MELK: variants seen among roughly 807,000 people sequenced by gnomAD.
The protein encoded by MELK is maternal embryonic leucine zipper kinase.
Under a neutral mutation model 85.0 loss-of-function variants are expected in MELK, and 81 were observed. The ratio of observed to expected loss-of-function variants is 0.95; its 90% CI spans 0.80 to 1.15. The LOEUF (loss-of-function observed/expected upper bound fraction) is 1.15, where lower values mean the gene tolerates loss of function less well. Ranked by LOEUF, MELK falls within the 50% of genes most tolerant of loss-of-function variation. The pLI is 0.00. For synonymous variants in MELK, 252 were observed against 265.0 expected, an observed-to-expected ratio of 0.95 and a Z score of 0.48; for missense variants, 754 against 777.5, an observed-to-expected ratio of 0.97 and a Z score of 0.36.
At chr9:36,652,895 A>G (rs1162779757) in intron 12 of MELK, among the ~76,000 whole-genome samples, 1 of 152,152 alleles carries the variant, frequency 6.6e-6, no homozygotes, top group Non-Finnish European at 1.5e-5. Context: ...GTACTTTTAA[A>G]GGACACATTA....
intron 9 of MELK, 64 bp downstream of exon 9, chr9:36,630,431 T>C (rs1828433740): frequency 2.3e-6 from 3 of 1,288,978 alleles, no homozygotes; most frequent in Non-Finnish European, 3.3e-6. Context: ...TTAAGATATC[T>C]GTGGTGCTAC....
intron 8 of MELK, among the ~76,000 whole-genome samples, chr9:36,614,210 C>T (rs1245017577): frequency 1.3e-5 from 2 of 151,720 alleles, no homozygotes; most frequent in Non-Finnish European, 2.9e-5. Context: ...ATTCTCCTGC[C>T]TCACCCTCCT....
intron 9 of MELK, among the ~76,000 whole-genome samples, chr9:36,631,677 T>G (rs1828640073): frequency 6.6e-6 from 1 of 152,126 alleles, no homozygotes. Context: ...CAGGCTCAAG[T>G]GTTAGTTCTA....
chr9:36,638,228 G>A (rs1829398301), intron 10 of MELK, among the ~76,000 whole-genome samples: 1 of 152,144 alleles, frequency 6.6e-6, no homozygotes, highest in South Asian at 2.1e-4. Flanking sequence ...ACAGTATAAA[G>A]TAAAATATAT....
chr9:36,636,778 T>TCTGTCTGTCTGTCTGTCTG (rs1564191010), intron 10 of MELK, among the ~76,000 whole-genome samples: 8 of 82,232 alleles, frequency 9.7e-5, no homozygotes, highest in African/African-American at 3.2e-4. Context: ...CTTTCTTTCT[T>TCTGTCTGTCTGTCTGTCTG]TCTTTCTGTC....
In MELK at chr9:36,667,472, A is replaced by T. The variant is rs572766401; in HGVS notation, c.1409-1838A>T. 1.1e-4 allele frequency among the ~76,000 whole-genome samples: 17 copies of T among 152,226 alleles called. No homozygotes were observed. In the East Asian group the frequency reaches 1.2e-3, roughly 10 times the overall value. ...TGCCCGGCCCAGGGCTTTTTTATTT[A>T]AAAAAAATTTTAATGCCATAATCCC... On this transcript the variant is annotated intron_variant, in intron 14 of 17. Coordinates refer to ENST00000298048, the MANE Select transcript of MELK (RefSeq NM_014791.4).
intron 10 of MELK, among the ~76,000 whole-genome samples, chr9:36,634,247 TA>T (rs1199530668): frequency 6.6e-6 from 1 of 152,262 alleles, no homozygotes; most frequent in African/African-American, 2.4e-5. Context: ...TTCTAAATTC[TA>T]ATTTTTGCTT....
chr9:36,649,850 C>T (rs1245539518), intron 11 of MELK, among the ~76,000 whole-genome samples: 1 of 152,076 alleles, frequency 6.6e-6, no homozygotes, highest in Non-Finnish European at 1.5e-5. Context: ...ACTGAGAGGC[C>T]AAGATGGGAG....
At chr9:36,621,275 GAAA>G (rs74181196) in intron 8 of MELK, among the ~76,000 whole-genome samples, 7 of 32,438 alleles carry the variant, frequency 2.2e-4, no homozygotes, top group Non-Finnish European at 4.5e-4. Context: ...CTGTCTCAGG[GAAA>G]AAAAAAAAAA....
At chr9:36,593,352 G>A (rs1823834977) in intron 4 of MELK, among the ~76,000 whole-genome samples, 1 of 152,078 alleles carries the variant, frequency 6.6e-6, no homozygotes, top group Non-Finnish European at 1.5e-5. Flanking sequence ...TAGGTTATGA[G>A]GGCAGAGCCC....
chr9:36,626,505 C>T (rs975853180), intron 8 of MELK, among the ~76,000 whole-genome samples: 3 of 152,136 alleles, frequency 2.0e-5, no homozygotes, highest in African/African-American at 4.8e-5. Context: ...CACACTTACA[C>T]GTAGACATAT....
chr9:36,640,832 C>A (rs1829689325), intron 10 of MELK, among the ~76,000 whole-genome samples: 1 of 152,204 alleles, frequency 6.6e-6, no homozygotes, highest in South Asian at 2.1e-4. Context: ...AAAGACCCAA[C>A]CTCCTAATAC....
chr9:36,609,511 G>C (rs1014877717), intron 8 of MELK, among the ~76,000 whole-genome samples: 1 of 149,628 alleles, frequency 6.7e-6, no homozygotes, highest in Admixed American at 6.7e-5. Context: ...GCAGGAGTGC[G>C]ATCATGGCTC....
intron 3 of MELK, among the ~76,000 whole-genome samples, chr9:36,588,589 G>A (rs1823199190): frequency 6.6e-6 from 1 of 151,960 alleles, no homozygotes; most frequent in African/African-American, 2.4e-5. Flanking sequence ...ATGTTGGTCA[G>A]GCTGGTCTCA....
At chr9:36,650,222 G>C (rs934506063) in intron 11 of MELK, among the ~76,000 whole-genome samples, 200 of 151,320 alleles carry the variant, frequency 1.3e-3, no homozygotes, top group African/African-American at 4.3e-3. Context: ...GGATTACAGG[G>C]GTGAGCCACC....
At chr9:36,668,446 G>A (rs1832586520) in intron 14 of MELK, among the ~76,000 whole-genome samples, 1 of 152,174 alleles carries the variant, frequency 6.6e-6, no homozygotes, top group Non-Finnish European at 1.5e-5. Context: ...TATCTGGAAT[G>A]CAAATACCCT....
chr9:36,579,617 G>C (rs969161468), intron 1 of MELK, among the ~76,000 whole-genome samples: 2 of 152,214 alleles, frequency 1.3e-5, no homozygotes, highest in Admixed American at 6.5e-5. Context: ...GTAAATATCT[G>C]TATGAATAAA....
chr9:36,599,251 A>T (rs562982772), intron 6 of MELK, 143 bp from the exon 7 acceptor site: 25 of 486,754 alleles, frequency 5.1e-5, no homozygotes, highest in African/African-American at 5.0e-4. Flanking sequence ...CAGTGAGCCG[A>T]GATTGCGCCA....
At chr9:36,575,911 T>A (rs1041830200) in intron 1 of MELK, among the ~76,000 whole-genome samples, 2 of 152,230 alleles carry the variant, frequency 1.3e-5, no homozygotes, top group Non-Finnish European at 2.9e-5. Context: ...CTCTTTTTTC[T>A]TCTGTATCAG....
Sources: allele counts gnomAD v4.1 joint callset (sites outside exome capture counted in the v4.1 genomes callset), GRCh38; gene constraint gnomAD v4.1.1; transcripts MANE v1.5; gene names NCBI Gene and HGNC (gene_info 2026-07-23, HGNC 2026-07-21).